SSU72: variants seen among roughly 807,000 people sequenced by gnomAD.
SSU72 encodes the protein RNA polymerase II subunit A C-terminal domain phosphatase SSU72.
In SSU72, 12 loss-of-function variants were observed where a neutral mutation model predicts 22.7. That is an observed-to-expected ratio of 0.53 (90% CI 0.34 to 0.86). The LOEUF (loss-of-function observed/expected upper bound fraction) is 0.86. Ranked by LOEUF, SSU72 falls within the 40% of genes least tolerant of loss-of-function variation. The pLI, the probability that SSU72 is intolerant of heterozygous loss-of-function variation, is 0.02. For missense variants in SSU72, 151 were observed against 249.8 expected (o/e 0.60, Z 2.67); for synonymous variants, 116 against 98.3 (o/e 1.18, Z -1.06).
chr1:1,543,362 C>T (rs367634272), intron 4 of SSU72, among the ~76,000 whole-genome samples: 32 of 152,324 alleles, frequency 2.1e-4, no homozygotes, highest in African/African-American at 6.3e-4. Flanking sequence ...GTGTCCGCCA[C>T]GGGGAAGAGA....
chr1:1,550,758 G>A (rs1204513377), intron 2 of SSU72, among the ~76,000 whole-genome samples: 4 of 152,194 alleles, frequency 2.6e-5, no homozygotes, highest in African/African-American at 9.6e-5. Flanking sequence ...CAAGCCTGCC[G>A]GAGCCAGGGA....
At position 1,553,657 on chromosome 1, in the gene SSU72, G is replaced by A. The variant is rs531120887; in HGVS notation, c.225-8655C>T. Among the ~76,000 whole-genome samples the A allele has an allele frequency of 1.4e-3, 216 of 151,730 alleles. 2 individuals carry two copies. Among genetic ancestry groups the A allele is most frequent in the African/African-American group, 4.9e-3 (202 of 41,386 alleles). ...AAAAAAAAAATTAGCCGGGCATGGT[G>A]GCAGGCGCCTGTAGTCCCAGCTACT... On this transcript the variant is annotated intron_variant, in intron 2 of 4. Coordinates refer to ENST00000291386, the MANE Select transcript of SSU72 (RefSeq NM_014188.3).
intron 2 of SSU72, among the ~76,000 whole-genome samples, chr1:1,557,762 C>T (rs1323395381): frequency 3.3e-5 from 5 of 152,108 alleles, no homozygotes; most frequent in Non-Finnish European, 7.3e-5. Flanking sequence ...CACGCCATTG[C>T]ACTCCAGCAG....
intron 2 of SSU72, among the ~76,000 whole-genome samples, chr1:1,550,142 C>G (rs1199853152): frequency 6.8e-6 from 1 of 147,428 alleles, no homozygotes; most frequent in Non-Finnish European, 1.5e-5. Flanking sequence ...CACATCACTA[C>G]ACTCCAGCCT....
At chr1:1,568,847 C>A (rs1265784212) in intron 1 of SSU72, among the ~76,000 whole-genome samples, 1 of 151,196 alleles carries the variant, frequency 6.6e-6, no homozygotes, top group Non-Finnish European at 1.5e-5. Context: ...CCAGCCTGGG[C>A]AACACAGTAA....
chr1:1,572,968 T>C (rs1170426525), intron 1 of SSU72, among the ~76,000 whole-genome samples: 4 of 150,642 alleles, frequency 2.7e-5, no homozygotes, highest in Non-Finnish European at 4.4e-5. Context: ...TCCAGCACAA[T>C]GTAATTCTAG....
Position 1,574,852 on chromosome 1 carries a change from G to T in SSU72, c.-295C>A. ...AGAGACCCGCACTCCACAAGGCCCG[G>T]CTGAGCGTCACGGCGCCAAGCGGCG... On this transcript the variant is annotated 5_prime_UTR_variant, in exon 1 of 5. Transcript: ENST00000291386. 2.8e-6 allele frequency: 1 copy of T among 361,044 alleles called. No homozygotes were observed. The highest frequency in any genetic ancestry group is 2.1e-5 in the South Asian group (1 of 48,718). The allele number at this position is 361,044 out of a possible 1,614,324, so 22.4% of individuals were successfully genotyped here.
chr1:1,542,700 C>T lies in SSU72; in HGVS notation c.484-533G>A, dbSNP rs1642338353. ...TCCCCTGGTCCCCAGCCTTGGCCAGCACCCAGTGCCTCTAAGCAAGGAGCG... is the reference window on the plus strand; with the variant it reads ...TCCCCTGGTCCCCAGCCTTGGCCAGTACCCAGTGCCTCTAAGCAAGGAGCG... On this transcript the variant is annotated intron_variant, in intron 4 of 4. Coordinates refer to ENST00000291386, the MANE Select transcript of SSU72 (RefSeq NM_014188.3). The surrounding 1 kb of genome is among the most constrained non-coding windows in gnomAD (Gnocchi z 4.4). Among the ~76,000 whole-genome samples, 1 of 152,144 alleles carries T rather than the reference C, an allele frequency of 6.6e-6. No homozygotes were observed. The highest frequency in any genetic ancestry group is 1.9e-4 in the East Asian group (1 of 5,176).
intron 1 of SSU72, 33 bp downstream of exon 1, chr1:1,574,421 GGAGGGAGGGCCGGTCGCCGGAGCA>G (rs1642781681): frequency 2.0e-6 from 3 of 1,530,814 alleles, no homozygotes; most frequent in South Asian, 2.4e-5. Context: ...GAACCGGGGA[GGAGGGAGGGCCGGTCGCCGGAGCA>G]GAGCGCGCGG....
intron 1 of SSU72, among the ~76,000 whole-genome samples, chr1:1,571,282 A>G (rs931739090): frequency 1.6e-5 from 2 of 121,460 alleles, no homozygotes; most frequent in Non-Finnish European, 1.6e-5. Flanking sequence ...AAAAAAAAAA[A>G]GTTAGCTGGG....
At chr1:1,568,798 C>A (rs1399416168) in intron 1 of SSU72, among the ~76,000 whole-genome samples, 2 of 151,650 alleles carry the variant, frequency 1.3e-5, no homozygotes, top group African/African-American at 2.4e-5. Flanking sequence ...GTGGCTCATG[C>A]CTGTAATCCC....
intron 2 of SSU72, among the ~76,000 whole-genome samples, chr1:1,547,876 C>A (rs1642410961): frequency 6.6e-6 from 1 of 152,234 alleles, no homozygotes; most frequent in Non-Finnish European, 1.5e-5. Context: ...GTCCCATCTT[C>A]CGGACACCTG....
chr1:1,573,943 C>CA (rs1642771596), intron 1 of SSU72, among the ~76,000 whole-genome samples: 1 of 151,426 alleles, frequency 6.6e-6, no homozygotes, highest in Non-Finnish European at 1.5e-5. Context: ...TATAAACTAG[C>CA]AGAGCCAAAC....
At chr1:1,559,891 A>AT (rs1040447805) in intron 2 of SSU72, among the ~76,000 whole-genome samples, 2 of 151,992 alleles carry the variant, frequency 1.3e-5, no homozygotes, top group African/African-American at 4.8e-5. Context: ...TGGCCGGCTA[A>AT]TTTTTTATTT....
chr1:1,553,784 T>C (rs1267308498), intron 2 of SSU72, among the ~76,000 whole-genome samples: 8 of 115,758 alleles, frequency 6.9e-5, no homozygotes, highest in Non-Finnish European at 9.7e-5. Context: ...AGAGCGAGAC[T>C]CCGTCTCAAA....
At chr1:1,545,238 C>T (rs768973817) in intron 2 of SSU72, 68 of 524,154 alleles carry the variant, frequency 1.3e-4, no homozygotes, top group Non-Finnish European at 1.9e-4. Flanking sequence ...TCCCCCAACT[C>T]GGCAAAAAGA....
chr1:1,545,328 G>A, intron 2 of SSU72: 1 of 301,436 alleles, frequency 3.3e-6, no homozygotes, highest in East Asian at 7.7e-5. Flanking sequence ...TGCTGGCCCG[G>A]CCCAAGCTGC....
chr1:1,549,787 A>T (rs900480437), intron 2 of SSU72, among the ~76,000 whole-genome samples: 2 of 152,062 alleles, frequency 1.3e-5, no homozygotes, highest in Admixed American at 6.5e-5. Flanking sequence ...ATCCTGGCTA[A>T]CATGGTGAAA....
intron 1 of SSU72, 69 bp from the exon 2 acceptor site, chr1:1,564,985 C>T (rs1414401506): frequency 7.2e-6 from 11 of 1,517,296 alleles, no homozygotes; most frequent in East Asian, 2.3e-5. Context: ...CAAGGGACAG[C>T]AAATGGGATA....
Sources: allele counts gnomAD v4.1 joint callset (sites outside exome capture counted in the v4.1 genomes callset), GRCh38; gene constraint gnomAD v4.1.1; non-coding constraint Gnocchi (gnomAD v3.1); transcripts MANE v1.5; gene names NCBI Gene and HGNC (gene_info 2026-07-23, HGNC 2026-07-21).